The following ZDHHC14 variants were observed in gnomAD, a reference collection of about 807,000 sequenced individuals.
The protein encoded by ZDHHC14 is zDHHC palmitoyltransferase 14, also known as palmitoyltransferase ZDHHC14.
A neutral mutation model predicts 47.7 loss-of-function variants in ZDHHC14; 16 were observed. That is an observed-to-expected ratio of 0.34 (90% CI 0.23 to 0.51). The LOEUF is 0.51. ZDHHC14 is among the 20% of genes least tolerant of loss of function. ZDHHC14 has a pLI of 0.97. For synonymous variants in ZDHHC14, 293 were observed against 278.9 expected, an observed-to-expected ratio of 1.05 and a Z score of -0.50; for missense variants, 515 against 662.5, an observed-to-expected ratio of 0.78 and a Z score of 2.44.
chr6:157,668,541 A>T (rs2115012434), intron 8 of ZDHHC14, among the ~76,000 whole-genome samples: 2 of 134,810 alleles, frequency 1.5e-5, no homozygotes, highest in Admixed American at 1.4e-4. Context: ...AAAAAAAAAA[A>T]ATACAAAAAT....
chr6:157,401,970 C>T (rs1777649547), intron 1 of ZDHHC14, among the ~76,000 whole-genome samples: 1 of 149,886 alleles, frequency 6.7e-6, no homozygotes. Context: ...AGATGAGCAC[C>T]TGCTGAGGTC....
At chr6:157,580,358 C>G (rs1182083001) in intron 2 of ZDHHC14, among the ~76,000 whole-genome samples, 2 of 151,970 alleles carry the variant, frequency 1.3e-5, no homozygotes, top group East Asian at 3.9e-4. Context: ...CTGGGGTTTT[C>G]TTTTTTTGTT....
intron 1 of ZDHHC14, among the ~76,000 whole-genome samples, chr6:157,483,068 G>C (rs1454175508): frequency 6.6e-6 from 1 of 152,156 alleles, no homozygotes; most frequent in East Asian, 1.9e-4. Flanking sequence ...AGTGAATCCA[G>C]GCAAGATGTG....
intron 1 of ZDHHC14, among the ~76,000 whole-genome samples, chr6:157,429,724 A>G (rs1285349735): frequency 6.6e-6 from 1 of 152,172 alleles, no homozygotes; most frequent in African/African-American, 2.4e-5. Context: ...CCTGGAAATC[A>G]TATTTCATCT....
At chr6:157,657,497 C>T (rs1222702715) in intron 8 of ZDHHC14, among the ~76,000 whole-genome samples, 2 of 152,254 alleles carry the variant, frequency 1.3e-5, no homozygotes, top group East Asian at 1.9e-4. Flanking sequence ...ACAGCCCCAG[C>T]GAATCCATGC....
At chr6:157,403,764 C>G (rs1777690734) in intron 1 of ZDHHC14, among the ~76,000 whole-genome samples, 1 of 152,280 alleles carries the variant, frequency 6.6e-6, no homozygotes, top group Non-Finnish European at 1.5e-5. Context: ...ATCTCCTTAG[C>G]TAATGTGACA....
intron 1 of ZDHHC14, among the ~76,000 whole-genome samples, chr6:157,458,849 A>ATTTTTTTTTTTTTTTTTTTGTTTTTTTT (rs1778993071): frequency 1.2e-5 from 1 of 81,226 alleles, no homozygotes; most frequent in Non-Finnish European, 2.3e-5. Context: ...ATGTGGGTGG[A>ATTTTTTTTTTTTTTTTTTTGTTTTTTTT]TTTTTTTTTT....
intron 2 of ZDHHC14, among the ~76,000 whole-genome samples, chr6:157,559,005 G>A (rs138790532): frequency 2.0e-3 from 309 of 152,170 alleles, no homozygotes; most frequent in Non-Finnish European, 3.1e-3. Flanking sequence ...AACTCTTACA[G>A]CTCAAAACAC....
chr6:157,550,934 T>C (rs2114821609), intron 2 of ZDHHC14, among the ~76,000 whole-genome samples: 1 of 152,190 alleles, frequency 6.6e-6, no homozygotes, highest in South Asian at 2.1e-4. Context: ...TACAGGGCCA[T>C]GGAAGGGGAA....
At chr6:157,398,820 T>C (rs2800451) in intron 1 of ZDHHC14, among the ~76,000 whole-genome samples, 125,396 of 152,188 alleles carry the variant, frequency 0.82, 51,817 homozygotes, top group Middle Eastern at 0.93. Flanking sequence ...TCTGAAACGA[T>C]GGCTTATTGC....
chr6:157,605,971 T>TC (rs1784525477), intron 3 of ZDHHC14, among the ~76,000 whole-genome samples: 1 of 152,156 alleles, frequency 6.6e-6, no homozygotes, highest in Non-Finnish European at 1.5e-5. Context: ...TGCTAGTTCT[T>TC]CCCCCAGGAT....
At chr6:157,469,101 G>T (rs1044094877) in intron 1 of ZDHHC14, among the ~76,000 whole-genome samples, 4 of 152,220 alleles carry the variant, frequency 2.6e-5, no homozygotes, top group African/African-American at 7.2e-5. Flanking sequence ...GCAGAATCTA[G>T]CCTACTGCAG....
chr6:157,672,646 CCT>C, intron 8 of ZDHHC14, 76 bp from the exon 9 acceptor site: 1 of 616,034 alleles, frequency 1.6e-6, no homozygotes, highest in Admixed American at 3.2e-5. Context: ...CCGCCCGTGC[CCT>C]GTCCCCATCC....
At chr6:157,508,547 A>AT (rs979327052) in intron 1 of ZDHHC14, among the ~76,000 whole-genome samples, 5 of 151,766 alleles carry the variant, frequency 3.3e-5, no homozygotes, top group African/African-American at 1.2e-4. Flanking sequence ...TTTATTTTAT[A>AT]TTTTTTGTAG....
intron 1 of ZDHHC14, among the ~76,000 whole-genome samples, chr6:157,465,537 C>T (rs1205226694): frequency 6.6e-6 from 1 of 152,026 alleles, no homozygotes; most frequent in Admixed American, 6.5e-5. Flanking sequence ...AGTCTTCTTT[C>T]CTAGGGAGTC....
chr6:157,608,705 AAG>A (rs1784641491), intron 3 of ZDHHC14, among the ~76,000 whole-genome samples: 1 of 152,182 alleles, frequency 6.6e-6, no homozygotes, highest in Non-Finnish European at 1.5e-5. Flanking sequence ...AGCCACGCAA[AAG>A]AGTTTTGATC....
chr6:157,606,731 G>A (rs377375938), intron 3 of ZDHHC14, among the ~76,000 whole-genome samples: 15 of 152,330 alleles, frequency 9.8e-5, no homozygotes, highest in Middle Eastern at 6.8e-3. Context: ...TCTCACCCGC[G>A]GTCAAGAACT....
At chr6:157,653,410 C>A in intron 7 of ZDHHC14, 115 bp from the exon 8 acceptor site, 1 of 1,009,916 alleles carries the variant, frequency 9.9e-7, no homozygotes, top group Non-Finnish European at 1.5e-6. Context: ...TCTAAGTTGC[C>A]TGAGGTGGGC....
intron 3 of ZDHHC14, among the ~76,000 whole-genome samples, chr6:157,602,358 T>C (rs1784368400): frequency 6.7e-6 from 1 of 148,286 alleles, no homozygotes; most frequent in East Asian, 2.0e-4. Context: ...AATCCAAAAA[T>C]TAGCACCTGT....
Sources: allele counts gnomAD v4.1 joint callset (sites outside exome capture counted in the v4.1 genomes callset), GRCh38; gene constraint gnomAD v4.1.1; transcripts MANE v1.5; gene names NCBI Gene and HGNC (gene_info 2026-07-23, HGNC 2026-07-21).